The following NME7 variants were observed in gnomAD, a reference collection of about 807,000 sequenced individuals.
NME7 encodes nucleoside diphosphate kinase 7.
NME7 carries 41 observed loss-of-function variants against 49.1 expected under a neutral mutation model. That is an observed-to-expected ratio of 0.83 (90% CI 0.65 to 1.08). The LOEUF (loss-of-function observed/expected upper bound fraction) is 1.08, where lower values mean the gene tolerates loss of function less well. NME7 is among the 50% of genes least tolerant of loss of function. NME7 has a pLI of 0.00. For synonymous variants in NME7, 139 were observed against 150.6 expected (o/e 0.92, Z 0.56); for missense variants, 423 against 463.4 (o/e 0.91, Z 0.80).
In NME7 at chr1:169,132,602, G is replaced by A; in HGVS notation, c.*183C>T. ...AGTACCCCATAGACTGGTGTTAAATGTTGTCTACAGTGCAAAATCCATGTT... is the reference window on the plus strand; with the variant it reads ...AGTACCCCATAGACTGGTGTTAAATATTGTCTACAGTGCAAAATCCATGTT... On this transcript the variant is annotated 3_prime_UTR_variant, in exon 12 of 12. Coordinates refer to ENST00000367811, the MANE Select transcript of NME7 (RefSeq NM_013330.5). 1.9e-6 allele frequency: 1 copy of A among 537,778 alleles called. No homozygotes were observed. The highest frequency in any genetic ancestry group is 3.0e-5 in the South Asian group (1 of 32,894). 33.3% of individuals were successfully genotyped at this position (537,778 alleles called of 1,614,324 possible). A position where few individuals can be genotyped will look rare whatever the true frequency, so the allele number is the denominator to read the frequency against.
At chr1:169,335,499 G>A (rs1303355684) in intron 1 of NME7, among the ~76,000 whole-genome samples, 1 of 151,598 alleles carries the variant, frequency 6.6e-6, no homozygotes, top group African/African-American at 2.4e-5. Flanking sequence ...ATAAGTGGGA[G>A]GTGAACAATG....
chr1:169,211,229 T>G (rs1028327076), intron 10 of NME7, among the ~76,000 whole-genome samples: 3 of 152,150 alleles, frequency 2.0e-5, no homozygotes, highest in Non-Finnish European at 4.4e-5. Flanking sequence ...GTAAAATAAT[T>G]TACCACAGCA....
chr1:169,274,084 A>G (rs1295988535), intron 7 of NME7, among the ~76,000 whole-genome samples: 1 of 130,478 alleles, frequency 7.7e-6, no homozygotes, highest in East Asian at 2.0e-4. Flanking sequence ...TCCCACCAAC[A>G]GTGTAAAAGT....
At chr1:169,250,879 G>A (rs889364113) in intron 7 of NME7, among the ~76,000 whole-genome samples, 1 of 152,070 alleles carries the variant, frequency 6.6e-6, no homozygotes, top group Admixed American at 6.6e-5. Flanking sequence ...ATAGAGACTT[G>A]TTTTGTGGCC....
chr1:169,146,722 T>C lies in NME7; in HGVS notation c.1099-13905A>G, dbSNP rs145311044. The stretch of plus-strand genomic sequence containing the variant: ...GCCATTTGTCAATAATCAACTAAGT[T>C]ACTGATAAACAGAGGCTAGGTTCTT... On this transcript the variant is annotated intron_variant, in intron 11 of 11. Transcript: ENST00000367811. 3.4e-4 allele frequency among the ~76,000 whole-genome samples: 52 copies of C among 152,306 alleles called. No homozygotes were observed. In the East Asian group the frequency reaches 8.5e-3, roughly 25 times the overall value.
At position 169,191,034 on chromosome 1, in the gene NME7, G is replaced by A. The variant is rs1414800557; in HGVS notation, c.991-21480C>T. On this transcript the variant is annotated intron_variant, in intron 10 of 11. Coordinates refer to ENST00000367811, the MANE Select transcript of NME7 (RefSeq NM_013330.5). ...TCACCGTTTTAGCCGGGATGGTCTC[G>A]ATCTCCTGACCTCGTGATCCACCCG... Among the ~76,000 whole-genome samples, 29 of 66,264 alleles carry A rather than the reference G, an allele frequency of 4.4e-4. No individual in the cohort carries two copies. In the East Asian group the frequency reaches 5.7e-3, roughly 13 times the overall value. The allele number at this position is 66,264 out of a possible 152,430, so 43.5% of individuals were successfully genotyped here. A position where few individuals can be genotyped will look rare whatever the true frequency, so the allele number is the denominator to read the frequency against.
intron 10 of NME7, among the ~76,000 whole-genome samples, chr1:169,175,383 T>C (rs768970126): frequency 3.3e-5 from 5 of 152,182 alleles, no homozygotes; most frequent in Non-Finnish European, 7.3e-5. Flanking sequence ...AGAAAAAGTA[T>C]ACTCTAAAAC....
intron 10 of NME7, among the ~76,000 whole-genome samples, chr1:169,230,348 G>T (rs1647554562): frequency 6.6e-6 from 1 of 151,980 alleles, no homozygotes; most frequent in South Asian, 2.1e-4. Context: ...TTGGTATGTT[G>T]CCACTGTATT....
intron 5 of NME7, among the ~76,000 whole-genome samples, chr1:169,302,600 G>A (rs1650992605): frequency 1.3e-5 from 2 of 152,028 alleles, no homozygotes; most frequent in African/African-American, 2.4e-5. Flanking sequence ...AACAGACACT[G>A]GGGACTACTA....
At chr1:169,206,614 C>G (rs1415216886) in intron 10 of NME7, among the ~76,000 whole-genome samples, 1 of 151,978 alleles carries the variant, frequency 6.6e-6, no homozygotes, top group East Asian at 1.9e-4. Context: ...GCCTATGAAC[C>G]CTTCTCAAAG....
At chr1:169,306,358 G>A (rs1651171636) in intron 4 of NME7, among the ~76,000 whole-genome samples, 1 of 152,156 alleles carries the variant, frequency 6.6e-6, no homozygotes, top group African/African-American at 2.4e-5. Context: ...CAATCTTGAG[G>A]TAGGAAATGA....
intron 6 of NME7, among the ~76,000 whole-genome samples, chr1:169,289,406 T>G (rs910942284): frequency 6.6e-6 from 1 of 152,132 alleles, no homozygotes; most frequent in Non-Finnish European, 1.5e-5. Context: ...CCTAATAAAT[T>G]CTGCATGTGC....
rs1157188961 is a variant in NME7, at chr1:169,264,189, A to G, written c.754+23114T>C. On this transcript the variant is annotated intron_variant, in intron 7 of 11. Coordinates refer to ENST00000367811, the MANE Select transcript of NME7 (RefSeq NM_013330.5). ...GTGATACTATGAAGCAACCACACAA[A>G]GAAGTCTGCATAATTACCAGCTAAG... 3.7e-5 allele frequency among the ~76,000 whole-genome samples: 5 copies of G among 134,222 alleles called. 1 individual carries two copies. The highest frequency in any genetic ancestry group is 1.3e-4 in the African/African-American group (5 of 39,536). The allele number at this position is 134,222 out of a possible 152,430, so 88.1% of individuals were successfully genotyped here. A position where few individuals can be genotyped will look rare whatever the true frequency, so the allele number is the denominator to read the frequency against.
chr1:169,237,592 C>A lies in NME7; in HGVS notation c.819+31G>T, dbSNP rs1263010645. On this transcript the variant is annotated intron_variant, in intron 8 of 11. Coordinates refer to ENST00000367811, the MANE Select transcript of NME7 (RefSeq NM_013330.5). The stretch of plus-strand genomic sequence containing the variant: ...TAACTATTTTTGAAAAAAATCCTCA[C>A]AAATATTATGGTTCATTGTAAACTA... 3.9e-6 allele frequency: 6 copies of A among 1,538,168 alleles called. No individual in the cohort carries two copies. The African/African-American group carries it at 6.8e-5, about 18-fold the overall frequency.
chr1:169,363,605 CT>C (rs1292669276), intron 1 of NME7, among the ~76,000 whole-genome samples: 3 of 152,194 alleles, frequency 2.0e-5, no homozygotes, highest in African/African-American at 7.2e-5. Context: ...CATATTTTCC[CT>C]ACTGCAGCCA....
At chr1:169,234,151 G>C (rs1557999958) in intron 9 of NME7, among the ~76,000 whole-genome samples, 1 of 152,054 alleles carries the variant, frequency 6.6e-6, no homozygotes, top group Non-Finnish European at 1.5e-5. Flanking sequence ...AGTCACCCTA[G>C]TTTTTAATTA....
chr1:169,172,323 CGTGTGT>C (rs200830717), intron 10 of NME7, among the ~76,000 whole-genome samples: 18 of 127,790 alleles, frequency 1.4e-4, no homozygotes, highest in South Asian at 1.0e-3. Context: ...CAAAAACATA[CGTGTGT>C]GTGTGTGTGT....
intron 1 of NME7, among the ~76,000 whole-genome samples, chr1:169,339,947 A>G (rs1395487467): frequency 1.3e-5 from 2 of 152,154 alleles, no homozygotes; most frequent in Non-Finnish European, 2.9e-5. Context: ...CAGCCTTTCC[A>G]TTACAGCTGC....
At chr1:169,177,059 T>C (rs1206445671) in intron 10 of NME7, among the ~76,000 whole-genome samples, 3 of 152,174 alleles carry the variant, frequency 2.0e-5, no homozygotes, top group Non-Finnish European at 4.4e-5. Context: ...GCATTCTTAA[T>C]ATCTCCCCGC....
Sources: gnomAD v4.1 joint callset for allele counts (sites outside exome capture counted in the v4.1 genomes callset) on GRCh38, gnomAD v4.1.1 for gene constraint, MANE v1.5 for transcripts, NCBI Gene and HGNC (gene_info 2026-07-23, HGNC 2026-07-21) for gene names.